ARHGAP26: variants seen among roughly 807,000 people sequenced by gnomAD.
ARHGAP26 encodes Rho GTPase activating protein 26, also known as rho GTPase-activating protein 26.
Under a neutral mutation model 104.8 loss-of-function variants are expected in ARHGAP26, and 38 were observed. The observed-to-expected ratio is 0.36, with a 90% confidence interval of 0.28 to 0.48. The LOEUF (loss-of-function observed/expected upper bound fraction) is 0.48. Among genes scored for constraint, ARHGAP26 ranks in the 20% least tolerant of loss-of-function variants. The probability of loss-of-function intolerance (pLI) is 0.99; values close to 1 mark genes in which losing one functional copy is unlikely to be tolerated. For missense variants in ARHGAP26, 704 were observed against 947.9 expected (o/e 0.74, Z 3.38); for synonymous variants, 341 against 340.0 (o/e 1.00, Z -0.03).
intron 6 of ARHGAP26, among the ~76,000 whole-genome samples, chr5:142,895,526 G>A (rs1014182858): frequency 5.9e-5 from 9 of 152,132 alleles, no homozygotes; most frequent in South Asian, 2.1e-4. Flanking sequence ...CAGCACGCCC[G>A]ACCAAGAAAG....
At chr5:142,812,714 T>A (rs1007996304) in intron 1 of ARHGAP26, among the ~76,000 whole-genome samples, 9 of 152,100 alleles carry the variant, frequency 5.9e-5, no homozygotes, top group Admixed American at 1.3e-4. Context: ...TTAAAAAAAA[T>A]TTTTTTAGCG....
chr5:143,188,582 G>A (rs1007825975), intron 20 of ARHGAP26, among the ~76,000 whole-genome samples: 2 of 152,284 alleles, frequency 1.3e-5, no homozygotes, highest in African/African-American at 4.8e-5. Flanking sequence ...TGACAATGTT[G>A]GAAGAAGGAA....
intron 10 of ARHGAP26, among the ~76,000 whole-genome samples, chr5:142,923,026 A>C (rs1418564760): frequency 6.6e-6 from 1 of 152,010 alleles, no homozygotes; most frequent in African/African-American, 2.4e-5. Context: ...TGTTCTGTAA[A>C]ATAAGTTAGT....
chr5:142,890,151 A>AATATAT lies in ARHGAP26; in HGVS notation c.487-4046_487-4041dup, dbSNP rs752591382. ...AACTCCGTCTTAAAAAAAAAAAAAA[A>AATATAT]ATATATATATATATATATATATATA... is the stretch of plus-strand genomic sequence containing the variant. On this transcript the variant is annotated intron_variant, in intron 5 of 22. Transcript: ENST00000645722. Among the ~76,000 whole-genome samples the AATATAT allele has an allele frequency of 8.3e-3, 269 of 32,308 alleles. 12 individuals carry two copies. The highest frequency in any genetic ancestry group is 0.011 in the Non-Finnish European group (205 of 18,222). 21.2% of individuals were successfully genotyped at this position (32,308 alleles called of 152,430 possible). A position where few individuals can be genotyped will look rare whatever the true frequency, so the allele number is the denominator to read the frequency against.
chr5:143,096,361 A>AT (rs1304367411), intron 17 of ARHGAP26, among the ~76,000 whole-genome samples: 1 of 152,214 alleles, frequency 6.6e-6, no homozygotes, highest in Non-Finnish European at 1.5e-5. Context: ...GAAAGCATAA[A>AT]TTTTATCATT....
chr5:143,197,868 C>T (rs968513446), intron 20 of ARHGAP26, among the ~76,000 whole-genome samples: 3 of 152,018 alleles, frequency 2.0e-5, no homozygotes, highest in Non-Finnish European at 2.9e-5. Context: ...AGTCTAGCAC[C>T]GTGTATAAAA....
At chr5:143,121,895 A>G (rs1408492821) in intron 18 of ARHGAP26, among the ~76,000 whole-genome samples, 2 of 152,252 alleles carry the variant, frequency 1.3e-5, no homozygotes, top group Admixed American at 6.5e-5. Flanking sequence ...TTTGGCAGCA[A>G]CAAATCTGGA....
At chr5:142,770,983 C>A in intron 1 of ARHGAP26, 68 bp downstream of exon 1, 1 of 1,494,340 alleles carries the variant, frequency 6.7e-7, no homozygotes, top group South Asian at 1.3e-5. Flanking sequence ...GCGCTTAGCC[C>A]GGGTTGCCCG....
intron 7 of ARHGAP26, among the ~76,000 whole-genome samples, chr5:142,902,686 A>C (rs1039886968): frequency 5.3e-5 from 8 of 152,184 alleles, no homozygotes; most frequent in Non-Finnish European, 1.2e-4. Flanking sequence ...TCTTGTGTCC[A>C]TGTGGGTTGT....
At chr5:143,148,125 G>A (rs886083664) in intron 20 of ARHGAP26, among the ~76,000 whole-genome samples, 6 of 152,124 alleles carry the variant, frequency 3.9e-5, no homozygotes, top group East Asian at 1.9e-4. Context: ...GGCCATGACC[G>A]GAACAGTTGG....
At position 142,903,423 on chromosome 5, in the gene ARHGAP26, C is replaced by T. The variant is rs1256698195; in HGVS notation, c.703-117C>T. The T allele has an allele frequency of 5.1e-6, 6 of 1,173,234 alleles. No individual in the cohort carries two copies. In the East Asian group the frequency reaches 1.3e-4, roughly 25 times the overall value. The allele number at this position is 1,173,234 out of a possible 1,614,324, so 72.7% of individuals were successfully genotyped here. A position where few individuals can be genotyped will look rare whatever the true frequency, so the allele number is the denominator to read the frequency against. ...TCATAAGGGAGTATTTGGCCAGTTC[C>T]TGGAAGGTTGAATGTCCTTTATCTC... is the stretch of plus-strand genomic sequence containing the variant. On this transcript the variant is annotated intron_variant, in intron 7 of 22. Transcript: ENST00000645722.
At chr5:143,011,249 A>G (rs1481381009) in intron 11 of ARHGAP26, among the ~76,000 whole-genome samples, 2 of 149,944 alleles carry the variant, frequency 1.3e-5, no homozygotes, top group Non-Finnish European at 2.9e-5. Context: ...CCTGGCGCAA[A>G]CGTCATCTCT....
chr5:142,797,010 A>G (rs1347674019), intron 1 of ARHGAP26, among the ~76,000 whole-genome samples: 3 of 152,256 alleles, frequency 2.0e-5, no homozygotes, highest in Non-Finnish European at 2.9e-5. Flanking sequence ...CATCTGTGCA[A>G]TAAGAATCCA....
At chr5:143,003,088 G>A (rs1044036450) in intron 11 of ARHGAP26, among the ~76,000 whole-genome samples, 1 of 152,124 alleles carries the variant, frequency 6.6e-6, no homozygotes, top group African/African-American at 2.4e-5. Context: ...TCAAAGTCAC[G>A]GGGTAGCGGA....
chr5:142,938,302 C>A (rs1765741751), intron 11 of ARHGAP26, among the ~76,000 whole-genome samples: 1 of 152,094 alleles, frequency 6.6e-6, no homozygotes, highest in South Asian at 2.1e-4. Flanking sequence ...TGAAATGATT[C>A]TGCTGGATTT....
At chr5:142,812,253 G>A (rs1035681382) in intron 1 of ARHGAP26, among the ~76,000 whole-genome samples, 1 of 152,018 alleles carries the variant, frequency 6.6e-6, no homozygotes, top group Non-Finnish European at 1.5e-5. Flanking sequence ...TAATACAGAG[G>A]TATTTTTTCA....
intron 8 of ARHGAP26, among the ~76,000 whole-genome samples, chr5:142,907,002 C>T (rs950992157): frequency 2.0e-5 from 3 of 152,156 alleles, no homozygotes; most frequent in African/African-American, 7.2e-5. Flanking sequence ...AAGTAATTGG[C>T]TAAGCACTGA....
intron 1 of ARHGAP26, among the ~76,000 whole-genome samples, chr5:142,865,901 G>T (rs777759560): frequency 6.6e-6 from 1 of 152,094 alleles, no homozygotes; most frequent in Non-Finnish European, 1.5e-5. Flanking sequence ...TCTGCATTTC[G>T]CATCTCCTTG....
intron 11 of ARHGAP26, among the ~76,000 whole-genome samples, chr5:143,006,655 C>G (rs1778014122): frequency 6.6e-6 from 1 of 152,168 alleles, no homozygotes; most frequent in South Asian, 2.1e-4. Context: ...GCACATTTCA[C>G]CACTCAGACC....
Sources: allele counts gnomAD v4.1 joint callset (sites outside exome capture counted in the v4.1 genomes callset), GRCh38; gene constraint gnomAD v4.1.1; transcripts MANE v1.5; gene names NCBI Gene and HGNC (gene_info 2026-07-23, HGNC 2026-07-21).